Variants in TUBE1 observed in about 807,000 individuals in gnomAD.
The protein encoded by TUBE1 is tubulin epsilon chain.
Under a neutral mutation model 53.5 loss-of-function variants are expected in TUBE1, and 34 were observed. The ratio of observed to expected loss-of-function variants is 0.64; its 90% CI spans 0.48 to 0.85. The LOEUF is 0.85. Among genes scored for constraint, TUBE1 ranks in the 40% least tolerant of loss-of-function variants. The pLI, the probability that TUBE1 is intolerant of heterozygous loss-of-function variation, is 0.00. For synonymous variants in TUBE1, 177 were observed against 198.4 expected, an observed-to-expected ratio of 0.89 and a Z score of 0.91; for missense variants, 532 against 570.5, an observed-to-expected ratio of 0.93 and a Z score of 0.69.
rs1776855582 is a variant in TUBE1, at chr6:112,071,379, GA to G, written c.*32del. On this transcript the variant is annotated 3_prime_UTR_variant, in exon 12 of 12. Coordinates refer to ENST00000368662, the MANE Select transcript of TUBE1 (RefSeq NM_016262.5). ...ACAGAAAGGTCAGAAAAAACAATGT[GA>G]AATTAAGAAAGTATTTTTGAGGGTT... The G allele has an allele frequency of 6.9e-7, 1 of 1,444,890 alleles. No individual in the cohort carries two copies. The highest frequency in any genetic ancestry group is 1.7e-5 in the South Asian group (1 of 58,488). 89.5% of individuals were successfully genotyped at this position (1,444,890 alleles called of 1,614,324 possible). A position where few individuals can be genotyped will look rare whatever the true frequency, so the allele number is the denominator to read the frequency against.
intron 9 of TUBE1, 47 bp from the exon 10 acceptor site, chr6:112,072,945 CTATGTA>C: frequency 6.3e-7 from 1 of 1,580,306 alleles, no homozygotes; most frequent in Non-Finnish European, 8.6e-7. Context: ...TTACTTCTTT[CTATGTA>C]TAACTATAAA....
intron 4 of TUBE1, among the ~76,000 whole-genome samples, chr6:112,081,511 G>GT (rs1554316751): frequency 6.6e-6 from 1 of 152,006 alleles, no homozygotes; most frequent in African/African-American, 2.4e-5. Context: ...AATGTAGAAG[G>GT]TATCCTTAAC....
At chr6:112,076,815 G>T in intron 6 of TUBE1, 1 of 186,960 alleles carries the variant, frequency 5.3e-6, no homozygotes, top group Non-Finnish European at 1.1e-5. Context: ...GCAAGCTTCT[G>T]CCTTGGCCTC....
intron 4 of TUBE1, 182 bp downstream of exon 4, chr6:112,084,007 T>G: frequency 1.7e-6 from 1 of 591,232 alleles, no homozygotes; most frequent in Non-Finnish European, 3.0e-6. Flanking sequence ...TTTTAAAGTA[T>G]GGGCTTTTCC....
intron 8 of TUBE1, chr6:112,075,503 T>C (rs111463573): frequency 6.5e-6 from 1 of 153,136 alleles, no homozygotes; most frequent in Non-Finnish European, 1.5e-5. Flanking sequence ...AAACAACTAA[T>C]TTCCTCAAGA....
chr6:112,086,234 T>C (rs918852651), intron 3 of TUBE1, among the ~76,000 whole-genome samples: 5 of 152,208 alleles, frequency 3.3e-5, no homozygotes, highest in African/African-American at 1.2e-4. Flanking sequence ...ACAGCATATA[T>C]GTAAACAATA....
In TUBE1 at chr6:112,087,427, T is replaced by C. The variant is rs1554317580; in HGVS notation, c.8A>G (p.Gln3Arg). 6.4e-7 allele frequency: 1 copy of C among 1,550,614 alleles called. No individual in the cohort carries two copies. The highest frequency in any genetic ancestry group is 8.7e-7 in the Non-Finnish European group (1 of 1,146,368). ...TAGCTTACCCTGTACGACCACCGAC[T>C]GGGTCATGGTGGTGCGCCGCCGGCT... MT[Q>R]SVVVQVGQCG... is the part of the protein sequence containing the mutation. Residue 3 changes from glutamine to arginine, a missense_variant, in exon 1 of 12, where the codon CAG (glutamine) becomes CGG (arginine). Physicochemically the swap from Gln to Arg is conservative, Grantham distance 43. Coordinates refer to ENST00000368662, the MANE Select transcript of TUBE1 (RefSeq NM_016262.5).
At chr6:112,079,795 A>AT (rs782216042) in intron 5 of TUBE1, 41 bp from the exon 6 acceptor site, 2 of 1,574,092 alleles carry the variant, frequency 1.3e-6, no homozygotes, top group African/African-American at 1.4e-5. Flanking sequence ...CCTTGCATTT[A>AT]TTTTTTTATT....
At chr6:112,079,060 G>T (rs1290230065) in intron 6 of TUBE1, among the ~76,000 whole-genome samples, 1 of 151,994 alleles carries the variant, frequency 6.6e-6, no homozygotes, top group Non-Finnish European at 1.5e-5. Context: ...GACTTCCCTG[G>T]GGGAAGAAAG....
chr6:112,073,300 A>C (rs1562602148), intron 9 of TUBE1, among the ~76,000 whole-genome samples: 1 of 152,170 alleles, frequency 6.6e-6, no homozygotes, highest in Non-Finnish European at 1.5e-5. Flanking sequence ...TAGAACATTA[A>C]GACTATTACT....
At chr6:112,075,233 G>A (rs1776945411) in intron 8 of TUBE1, 1 of 152,414 alleles carries the variant, frequency 6.6e-6, no homozygotes, top group South Asian at 2.1e-4. Flanking sequence ...TGTATTTTTT[G>A]TAGATATGGG....
In TUBE1 at chr6:112,070,761, A is replaced by G. The variant is rs1554315166; in HGVS notation, c.*651T>C. On this transcript the variant is annotated 3_prime_UTR_variant, in exon 12 of 12. Transcript: ENST00000368662. ...ATTTGCATAAATGTCATGCAGAACA[A>G]TAACAAGTAGCACTGTTGAAAAATA... 1 of 152,222 alleles carries G rather than the reference A, an allele frequency of 6.6e-6. No individual in the cohort carries two copies. The highest frequency in any genetic ancestry group is 1.5e-5 in the Non-Finnish European group (1 of 68,018). 9.4% of individuals were successfully genotyped at this position (152,222 alleles called of 1,614,324 possible). A position where few individuals can be genotyped will look rare whatever the true frequency, so the allele number is the denominator to read the frequency against.
At chr6:112,081,359 A>C in intron 4 of TUBE1, 152 bp from the exon 5 acceptor site, 1 of 429,534 alleles carries the variant, frequency 2.3e-6, no homozygotes. Flanking sequence ...GTAAAAATTA[A>C]AAAAGAATTT....
chr6:112,086,529 C>T (rs1470347411), intron 3 of TUBE1, 27 bp downstream of exon 3: 2 of 1,585,026 alleles, frequency 1.3e-6, no homozygotes, highest in Non-Finnish European at 1.7e-6. Context: ...AAGTATCACA[C>T]TGTGACAGAC....
At chr6:112,074,872 G>C in intron 8 of TUBE1, 22 bp from the exon 9 acceptor site, 2 of 1,525,006 alleles carry the variant, frequency 1.3e-6, no homozygotes, top group East Asian at 4.8e-5. Flanking sequence ...ACATTAAAAT[G>C]AGAAAATTTT....
At position 112,070,771 on chromosome 6, in the gene TUBE1, G is replaced by A. The variant is rs1776841815; in HGVS notation, c.*641C>T. The A allele has an allele frequency of 6.6e-6, 1 of 152,090 alleles. No individual in the cohort carries two copies. The highest frequency in any genetic ancestry group is 2.4e-5 in the African/African-American group (1 of 41,436). 9.4% of individuals were successfully genotyped at this position (152,090 alleles called of 1,614,324 possible). On this transcript the variant is annotated 3_prime_UTR_variant, in exon 12 of 12. Coordinates refer to ENST00000368662, the MANE Select transcript of TUBE1 (RefSeq NM_016262.5). ...ATGTCATGCAGAACAATAACAAGTA[G>A]CACTGTTGAAAAATATAGACATTTA...
chr6:112,086,887 A>C (rs1490317483), intron 2 of TUBE1: 4 of 487,320 alleles, frequency 8.2e-6, no homozygotes, highest in African/African-American at 7.9e-5. Flanking sequence ...GATTCTTCGT[A>C]ATCTTTTTAA....
At chr6:112,084,520 T>G (rs1219194015) in intron 3 of TUBE1, among the ~76,000 whole-genome samples, 3 of 152,230 alleles carry the variant, frequency 2.0e-5, no homozygotes, top group Admixed American at 6.5e-5. Context: ...GGGAAGCTTT[T>G]AAAGAAGGAC....
At position 112,083,048 on chromosome 6, in the gene TUBE1, A is replaced by G. The variant is rs951741321; in HGVS notation, c.210+1141T>C. 6.6e-5 allele frequency among the ~76,000 whole-genome samples: 10 copies of G among 152,234 alleles called. No individual in the cohort carries two copies. In the South Asian group the frequency reaches 2.1e-3, roughly 32 times the overall value. ...TTACTGATACGGTTGTAGGAAAAAG[A>G]TTCAACTGGGAGTAGTCTAGGAAAT... On this transcript the variant is annotated intron_variant, in intron 4 of 11. Transcript: ENST00000368662.
Sources: allele counts gnomAD v4.1 joint callset (sites outside exome capture counted in the v4.1 genomes callset), GRCh38; gene constraint gnomAD v4.1.1; transcripts MANE v1.5; gene names NCBI Gene and HGNC (gene_info 2026-07-23, HGNC 2026-07-21).